SLC15A4: variants seen among roughly 807,000 people sequenced by gnomAD.
SLC15A4 encodes the protein solute carrier family 15 member 4.
A neutral mutation model predicts 46.1 loss-of-function variants in SLC15A4; 26 were observed. The observed-to-expected ratio is 0.56, with a 90% CI of 0.41 to 0.78. The LOEUF (loss-of-function observed/expected upper bound fraction) is 0.78. SLC15A4 is among the 30% of genes least tolerant of loss of function. The pLI, the probability that SLC15A4 is intolerant of heterozygous loss-of-function variation, is 0.00. For synonymous variants in SLC15A4, 370 were observed against 333.4 expected (o/e 1.11, Z -1.20); for missense variants, 751 against 755.7 (o/e 0.99, Z 0.07).
intron 1 of SLC15A4, among the ~76,000 whole-genome samples, chr12:128,819,094 G>A (rs913510978): frequency 1.3e-5 from 2 of 152,114 alleles, no homozygotes; most frequent in Non-Finnish European, 2.9e-5. Flanking sequence ...TGGAGCCTCA[G>A]CACTTTTTTC....
Position 128,823,774 on chromosome 12 carries a change from T to C in SLC15A4, c.170A>G (p.Asn57Ser), listed in dbSNP as rs777761781. The stretch of plus-strand genomic sequence containing the variant: ...CGCCCCGTTCAGGAATAGCACCAGG[T>C]TGGACGTGATGCCGTAGAAAGCGGC... ...ERAAFYGITS[N>S]LVLFLNGAPF... The change falls in exon 1 of 8, where the codon AAC becomes AGC. Residue 57 changes from asparagine (N) to serine (S), a missense_variant. Asn to Ser is a conservative substitution (Grantham distance 46, BLOSUM62 1). Coordinates refer to ENST00000266771, the MANE Select transcript of SLC15A4 (RefSeq NM_145648.4). 7 of 1,524,978 alleles carry C rather than the reference T, an allele frequency of 4.6e-6. No homozygotes were observed. The highest frequency in any genetic ancestry group is 1.9e-5 in the Admixed American group (1 of 51,422). 94.5% of individuals were successfully genotyped at this position (1,524,978 alleles called of 1,614,324 possible).
At chr12:128,797,791 C>A (rs1955464321) in intron 7 of SLC15A4, among the ~76,000 whole-genome samples, 1 of 152,204 alleles carries the variant, frequency 6.6e-6, no homozygotes, top group African/African-American at 2.4e-5. Flanking sequence ...TTTCCCATGT[C>A]ACAGCCTTTA....
rs79513584 is a variant in SLC15A4, at chr12:128,809,098, C to T, written c.1090-142G>A. ...TACAACCTCTTCAGTTTAGAGACAA[C>T]GGAACTGGGAAAAGATTTCTTTCCA... is the stretch of plus-strand genomic sequence containing the variant. On this transcript the variant is annotated intron_variant, in intron 4 of 7. Coordinates refer to ENST00000266771, the MANE Select transcript of SLC15A4 (RefSeq NM_145648.4). The T allele has an allele frequency of 2.1e-3, 1,597 of 761,968 alleles. 15 individuals are homozygous for T. In the African/African-American group the frequency reaches 0.021, roughly 10 times the overall value. The allele number at this position is 761,968 out of a possible 1,614,324, so 47.2% of individuals were successfully genotyped here.
chr12:128,796,701 C>A (rs968800365), intron 7 of SLC15A4, among the ~76,000 whole-genome samples: 3 of 152,228 alleles, frequency 2.0e-5, no homozygotes, highest in African/African-American at 7.2e-5. Context: ...TGGAGCCTGG[C>A]ACTAGCTGTC....
intron 6 of SLC15A4, 32 bp downstream of exon 6, chr12:128,800,822 A>C: frequency 6.3e-7 from 1 of 1,589,362 alleles, no homozygotes. Flanking sequence ...TTGTGCCTGG[A>C]CTCAGACACC....
chr12:128,794,588 G>GC (rs752746185), intron 7 of SLC15A4, among the ~76,000 whole-genome samples: 2 of 152,210 alleles, frequency 1.3e-5, no homozygotes, highest in East Asian at 1.9e-4. Context: ...GCTGTCTGCA[G>GC]CCCCCCACCT....
At chr12:128,801,807 T>C (rs1257949836) in intron 5 of SLC15A4, 3 of 152,212 alleles carry the variant, frequency 2.0e-5, no homozygotes, top group Non-Finnish European at 4.4e-5. Flanking sequence ...CAGGCCCTAA[T>C]ATTTAAAGCG....
rs376263223 is a variant in SLC15A4 at position 128,823,931 on chromosome 12, C to T, written c.13G>A (p.Gly5Arg). Residue 5 changes from glycine (G) to arginine (R), a missense_variant, in exon 1 of 8, where the codon GGG becomes AGG. By Grantham distance (125) the Gly-to-Arg change is moderately radical. Coordinates refer to ENST00000266771, the MANE Select transcript of SLC15A4 (RefSeq NM_145648.4). The stretch of plus-strand genomic sequence containing the variant: ...GGCGCCCGCTCGCCCGCACCGCCCC[C>T]AGAGCCCTCCATGCGACGCCGCCAG... MEGSGGGAGERAPLL... is the reference protein window; with the variant it reads MEGSRGGAGERAPLL... The T allele has an allele frequency of 1.7e-5, 11 of 646,518 alleles. No homozygotes were observed. The East Asian group carries it at 1.4e-3, about 81-fold the overall frequency. 40.0% of individuals were successfully genotyped at this position (646,518 alleles called of 1,614,324 possible). A position where few individuals can be genotyped will look rare whatever the true frequency, so the allele number is the denominator to read the frequency against.
chr12:128,803,460 C>T lies in SLC15A4; in HGVS notation c.1259-2451G>A, dbSNP rs569418908. 2.6e-5 allele frequency among the ~76,000 whole-genome samples: 4 copies of T among 151,276 alleles called. No homozygotes were observed. In the South Asian group the frequency reaches 6.2e-4, roughly 24 times the overall value. ...CAGTAAGCTGGGGGGAGAAATAACCCAAGCTCATTTGAAGATGAGGAAAAT... is the reference window on the plus strand; with the variant it reads ...CAGTAAGCTGGGGGGAGAAATAACCTAAGCTCATTTGAAGATGAGGAAAAT... On this transcript the variant is annotated intron_variant, in intron 5 of 7. Coordinates refer to ENST00000266771, the MANE Select transcript of SLC15A4 (RefSeq NM_145648.4).
intron 1 of SLC15A4, among the ~76,000 whole-genome samples, chr12:128,822,565 T>A (rs1029102785): frequency 2.0e-5 from 3 of 152,302 alleles, no homozygotes; most frequent in Admixed American, 1.3e-4. Context: ...TTATTTTTAT[T>A]TGGAGACAGA....
chr12:128,810,919 C>A (rs1955649150), intron 2 of SLC15A4, among the ~76,000 whole-genome samples: 1 of 152,214 alleles, frequency 6.6e-6, no homozygotes, highest in Admixed American at 6.5e-5. Context: ...CTTGGCTTTA[C>A]AGCCTGAGGC....
Position 128,823,465 on chromosome 12 carries a change from C to T in SLC15A4, c.479G>A (p.Gly160Glu), listed in dbSNP as rs1955880144. The change falls in exon 1 of 8, where the codon GGG becomes GAG. Residue 160 changes from glycine (G) to glutamate (E), a missense_variant. Transcript: ENST00000266771. Reference sequence around the variant, plus strand: ...CACGCCCAGGCCCACCAGCACCAGCCCCGCGAAGGTGGCCGGTGAGCAGCA... The same window carrying T: ...CACGCCCAGGCCCACCAGCACCAGCTCCGCGAAGGTGGCCGGTGAGCAGCA... The part of the protein sequence containing the change: ...ARCCSPATFA[G>E]LVLVGLGVAT... The T allele has an allele frequency of 6.8e-7, 1 of 1,481,256 alleles. No individual in the cohort carries two copies. The allele number at this position is 1,481,256 out of a possible 1,614,324, so 91.8% of individuals were successfully genotyped here.
chr12:128,811,006 G>A (rs1377436344), intron 2 of SLC15A4, among the ~76,000 whole-genome samples: 1 of 152,138 alleles, frequency 6.6e-6, no homozygotes, highest in Non-Finnish European at 1.5e-5. Flanking sequence ...GCAGGAACAT[G>A]GACCTGGCAT....
At chr12:128,796,429 CAAAAAAAA>C (rs57014966) in intron 7 of SLC15A4, among the ~76,000 whole-genome samples, 3 of 33,918 alleles carry the variant, frequency 8.8e-5, no homozygotes, top group Admixed American at 1.0e-3. Flanking sequence ...AACTCCATCT[CAAAAAAAA>C]AAAAAAAAAA....
chr12:128,814,925 A>G lies in SLC15A4; in HGVS notation c.692T>C (p.Val231Ala), dbSNP rs938097004. Residue 231 changes from valine to alanine, a missense_variant, in exon 2 of 8, where the codon GTC becomes GCC. Transcript: ENST00000266771. ...GACCACAAAAGCAAGGCCGACGCAG[A>G]CAGTGGGGATCGCATAACCAGTGAC... ...SFVTGYAIPT[V>A]CVGLAFVVFL... 1.9e-6 allele frequency: 3 copies of G among 1,614,114 alleles called. No individual in the cohort carries two copies. In the African/African-American group the frequency reaches 4.0e-5, roughly 22 times the overall value.
intron 5 of SLC15A4, among the ~76,000 whole-genome samples, chr12:128,808,476 C>G (rs1203788425): frequency 6.6e-6 from 1 of 152,194 alleles, no homozygotes; most frequent in African/African-American, 2.4e-5. Context: ...TACAAAAATT[C>G]ATCTATTCAG....
chr12:128,808,970 C>G lies in SLC15A4; in HGVS notation c.1090-14G>C, dbSNP rs377743017. The G allele has an allele frequency of 6.2e-7, 1 of 1,607,878 alleles. No homozygotes were observed. Among genetic ancestry groups the G allele is most frequent in the Non-Finnish European group, 8.5e-7 (1 of 1,176,434 alleles). ...GGCTGCAGGGAGCTGGGGTGAAACA[C>G]AGGAGGAGGCGTTTACTCCCCGCAA... On this transcript the variant is annotated splice_polypyrimidine_tract_variant and intron_variant, in intron 4 of 7. Coordinates refer to ENST00000266771, the MANE Select transcript of SLC15A4 (RefSeq NM_145648.4).
intron 1 of SLC15A4, 158 bp from the exon 2 acceptor site, chr12:128,815,228 AC>A: frequency 1.5e-6 from 1 of 686,730 alleles, no homozygotes; most frequent in East Asian, 2.7e-5. Flanking sequence ...ACGGATCTCA[AC>A]AAAAAGCACA....
At chr12:128,802,600 G>A (rs1250207820) in intron 5 of SLC15A4, among the ~76,000 whole-genome samples, 1 of 152,154 alleles carries the variant, frequency 6.6e-6, no homozygotes, top group Non-Finnish European at 1.5e-5. Flanking sequence ...GCGGGACAAG[G>A]GAAGGTTACT....
Sources: allele counts gnomAD v4.1 joint callset (sites outside exome capture counted in the v4.1 genomes callset), GRCh38; gene constraint gnomAD v4.1.1; transcripts MANE v1.5; gene names NCBI Gene and HGNC (gene_info 2026-07-23, HGNC 2026-07-21).